Variants in LINGO2 observed in about 807,000 individuals in gnomAD.
LINGO2 encodes the protein leucine rich repeat and Ig domain containing 2, also known as leucine-rich repeat and immunoglobulin-like domain-containing nogo receptor-interacting protein 2.
In LINGO2, 14 loss-of-function variants were observed where a neutral mutation model predicts 30.6. The observed-to-expected ratio is 0.46, with a 90% CI of 0.30 to 0.72. The LOEUF is 0.72. Among genes scored for constraint, LINGO2 ranks in the 30% least tolerant of loss-of-function variants. The pLI, the probability that LINGO2 is intolerant of heterozygous loss-of-function variation, is 0.07. For synonymous variants in LINGO2, 317 were observed against 288.5 expected (o/e 1.10, Z -1.00); for missense variants, 729 against 751.7 (o/e 0.97, Z 0.35).
the LINGO2 span, among the ~76,000 whole-genome samples, chr9:28,992,130 G>A: frequency 2.0e-5 from 3 of 152,118 alleles, no homozygotes; most frequent in Non-Finnish European, 4.4e-5. Flanking sequence ...CATCTCATGT[G>A]CAGAGACACA....
intron 4 of LINGO2, among the ~76,000 whole-genome samples, chr9:28,152,552 A>G (rs1828030518): frequency 6.6e-6 from 1 of 152,220 alleles, no homozygotes; most frequent in South Asian, 2.1e-4. Flanking sequence ...TGAAACAAAA[A>G]GAGAGAACCT....
the LINGO2 span, among the ~76,000 whole-genome samples, chr9:29,160,272 C>G: frequency 3.3e-5 from 5 of 152,272 alleles, no homozygotes; most frequent in East Asian, 7.7e-4. Flanking sequence ...AATATACTTT[C>G]CACTGCAGCA....
At chr9:29,038,500 T>A in the LINGO2 span, among the ~76,000 whole-genome samples, 2 of 152,038 alleles carry the variant, frequency 1.3e-5, no homozygotes, top group South Asian at 4.2e-4. Context: ...GTTTCTCACC[T>A]TTTTTCCCCA....
chr9:28,054,701 A>G (rs978537494), intron 4 of LINGO2, among the ~76,000 whole-genome samples: 2 of 152,170 alleles, frequency 1.3e-5, no homozygotes, highest in Non-Finnish European at 2.9e-5. Context: ...AAAAAATTAT[A>G]GTAAATAAGT....
At chr9:29,138,784 C>G in the LINGO2 span, among the ~76,000 whole-genome samples, 1 of 152,014 alleles carries the variant, frequency 6.6e-6, no homozygotes, top group African/African-American at 2.4e-5. Context: ...ACAACTAATG[C>G]GTCATATAAT....
At chr9:28,204,217 T>C (rs191016718) in intron 4 of LINGO2, among the ~76,000 whole-genome samples, 1 of 152,266 alleles carries the variant, frequency 6.6e-6, no homozygotes, top group African/African-American at 2.4e-5. Flanking sequence ...CTTGTCTTTA[T>C]AGTTGTACAT....
chr9:28,077,298 T>C (rs1481515079), intron 4 of LINGO2, among the ~76,000 whole-genome samples: 2 of 152,130 alleles, frequency 1.3e-5, no homozygotes, highest in African/African-American at 4.8e-5. Context: ...GAGATAGAGT[T>C]TGTTGAGTAT....
the LINGO2 span, among the ~76,000 whole-genome samples, chr9:28,850,074 C>T: frequency 1.3e-5 from 2 of 151,960 alleles, no homozygotes; most frequent in Non-Finnish European, 2.9e-5. Flanking sequence ...TCTTTTCAAA[C>T]AGCTCCTTCC....
At chr9:28,944,556 C>A in the LINGO2 span, among the ~76,000 whole-genome samples, 1 of 152,186 alleles carries the variant, frequency 6.6e-6, no homozygotes, top group East Asian at 1.9e-4. Flanking sequence ...CAGGCGCCTG[C>A]CACCACGCCT....
the LINGO2 span, among the ~76,000 whole-genome samples, chr9:28,892,649 C>T: frequency 3.3e-5 from 5 of 151,880 alleles, no homozygotes; most frequent in East Asian, 9.7e-4. Context: ...AATGATTATA[C>T]CAACACAAAA....
chr9:28,043,151 CAG>C (rs1168972082), intron 4 of LINGO2, among the ~76,000 whole-genome samples: 2 of 152,174 alleles, frequency 1.3e-5, no homozygotes, highest in East Asian at 3.9e-4. Context: ...TAGAAGATGT[CAG>C]TGTGTGCCTC....
intron 1 of LINGO2, among the ~76,000 whole-genome samples, chr9:28,479,916 T>G (rs1156233460): frequency 2.3e-5 from 1 of 43,202 alleles, no homozygotes; most frequent in African/African-American, 8.8e-5. Flanking sequence ...CGTAGGTATA[T>G]ATATATATAT....
At chr9:28,595,549 T>C (rs1825133454) in intron 1 of LINGO2, among the ~76,000 whole-genome samples, 1 of 152,122 alleles carries the variant, frequency 6.6e-6, no homozygotes, top group African/African-American at 2.4e-5. Context: ...GTCTTATACT[T>C]GATAGTGTCT....
rs149340119 is a variant in LINGO2 at position 28,057,391 on chromosome 9, G to T, written c.-86-44986C>A. Among the ~76,000 whole-genome samples the T allele has an allele frequency of 4.2e-3, 641 of 151,568 alleles. 8 individuals carry two copies. Among genetic ancestry groups the T allele is most frequent in the African/African-American group, 0.015 (608 of 41,388 alleles). On this transcript the variant is annotated intron_variant, in intron 4 of 5. Coordinates refer to ENST00000379992, the Ensembl canonical transcript of LINGO2. ...GCCTTTCTCAAGCTTATTTAATTAT[G>T]GAACCATTTGCCAGTAAGCGCTTTT... is the stretch of plus-strand genomic sequence containing the variant.
intron 1 of LINGO2, among the ~76,000 whole-genome samples, chr9:28,536,215 GAGATA>G (rs1466880314): frequency 2.0e-5 from 3 of 152,040 alleles, no homozygotes; most frequent in African/African-American, 4.8e-5. Flanking sequence ...GAAAGTTTTA[GAGATA>G]AGATATCAAA....
At chr9:28,999,795 A>G in the LINGO2 span, among the ~76,000 whole-genome samples, 2 of 152,036 alleles carry the variant, frequency 1.3e-5, no homozygotes, top group African/African-American at 4.8e-5. Context: ...AGAAAAAGAA[A>G]AAGAAATTCT....
chr9:27,939,086 A>C, the LINGO2 span: 1 of 152,200 alleles, frequency 6.6e-6, no homozygotes, highest in Non-Finnish European at 1.5e-5. Context: ...TTGGAAACCA[A>C]CTCAAGATCA....
intron 3 of LINGO2, among the ~76,000 whole-genome samples, chr9:28,319,640 A>G (rs138271674): frequency 2.6e-4 from 39 of 152,282 alleles, no homozygotes; most frequent in African/African-American, 9.4e-4. Flanking sequence ...GATTCCTGTT[A>G]TATGACATTT....
the LINGO2 span, among the ~76,000 whole-genome samples, chr9:28,803,804 A>G: frequency 6.6e-6 from 1 of 152,108 alleles, no homozygotes; most frequent in African/African-American, 2.4e-5. Context: ...TTGATGATAA[A>G]TGTAACCTGT....
Sources: gnomAD v4.1 joint callset for allele counts (sites outside exome capture counted in the v4.1 genomes callset) on GRCh38, gnomAD v4.1.1 for gene constraint, MANE v1.5 for transcripts, NCBI Gene and HGNC (gene_info 2026-07-23, HGNC 2026-07-21) for gene names.